Variants in PPP2R5D observed in about 807,000 individuals in gnomAD.
PPP2R5D encodes protein phosphatase 2 regulatory subunit B'delta.
PPP2R5D carries 12 observed loss-of-function variants against 79.1 expected under a neutral mutation model. The ratio of observed to expected loss-of-function variants is 0.15; its 90% CI spans 0.10 to 0.25. The LOEUF (loss-of-function observed/expected upper bound fraction) is 0.25, where lower values mean the gene tolerates loss of function less well. Among genes scored for constraint, PPP2R5D ranks in the 10% least tolerant of loss-of-function variants. The probability of loss-of-function intolerance (pLI) is 1.00; values close to 1 mark genes in which losing one functional copy is unlikely to be tolerated. For missense variants in PPP2R5D, 419 were observed against 760.2 expected (o/e 0.55, Z 5.28); for synonymous variants, 277 against 286.6 (o/e 0.97, Z 0.34).
At chr6:43,000,236 C>CTTTTT (rs1204045076) in intron 2 of PPP2R5D, among the ~76,000 whole-genome samples, 15 of 106,024 alleles carry the variant, frequency 1.4e-4, no homozygotes, top group African/African-American at 5.4e-4. Context: ...GTCTGGCCAC[C>CTTTTT]TTTTTTTTTT....
In PPP2R5D at chr6:42,995,126, C is replaced by CTTTTTTTTTTTT. The variant is rs889250251; in HGVS notation, c.105+5448_105+5459dup. Among the ~76,000 whole-genome samples, 111 of 106,346 alleles carry CTTTTTTTTTTTT rather than the reference C, an allele frequency of 1.0e-3. 6 individuals carry two copies. Among genetic ancestry groups the CTTTTTTTTTTTT allele is most frequent in the African/African-American group, 3.0e-3 (72 of 24,066 alleles). 69.8% of individuals were successfully genotyped at this position (106,346 alleles called of 152,430 possible). On this transcript the variant is annotated intron_variant, in intron 2 of 15. Transcript: ENST00000485511. ...TTGTGTCCCACCGAACTTTTTCTTT[C>CTTTTTTTTTTTT]TTTTTTTTTTTTTTTTTTTTTGGAG...
Position 43,009,543 on chromosome 6 carries a change from A to G in PPP2R5D, c.1379+94A>G, listed in dbSNP as rs1762249546. ...AAAGAGCCAGGGGTCTCACCTAGTC[A>G]CCCAGCAAGTGGGGCTGATGTCCCC... On this transcript the variant is annotated intron_variant, in intron 12 of 15. Coordinates refer to ENST00000485511, the MANE Select transcript of PPP2R5D (RefSeq NM_006245.4). The surrounding 1 kb of genome is among the most constrained non-coding windows in gnomAD (Gnocchi z 5.6). The G allele has an allele frequency of 2.6e-6, 4 of 1,540,076 alleles. No homozygotes were observed. The highest frequency in any genetic ancestry group is 1.4e-5 in the African/African-American group (1 of 72,894).
In PPP2R5D at chr6:42,984,583, G is replaced by T; in HGVS notation, c.-95G>T. ...CTCGACCCGGGCGCAGCGCGCAGGC[G>T]GTGGCGAAGAGACGCCGAGCGGGCC... On this transcript the variant is annotated 5_prime_UTR_variant, in exon 1 of 16. Transcript: ENST00000485511. 6.8e-7 allele frequency: 1 copy of T among 1,472,720 alleles called. No individual in the cohort carries two copies. The highest frequency in any genetic ancestry group is 9.0e-7 in the Non-Finnish European group (1 of 1,113,900). The allele number at this position is 1,472,720 out of a possible 1,614,324, so 91.2% of individuals were successfully genotyped here.
chr6:43,004,048 G>A (rs1283667777), intron 2 of PPP2R5D, among the ~76,000 whole-genome samples: 4 of 147,468 alleles, frequency 2.7e-5, no homozygotes, highest in Admixed American at 6.8e-5. Context: ...ATGGAGTCTC[G>A]CTCTGTCGCC....
At chr6:43,000,092 C>G (rs956713015) in intron 2 of PPP2R5D, among the ~76,000 whole-genome samples, 1 of 151,870 alleles carries the variant, frequency 6.6e-6, no homozygotes, top group Non-Finnish European at 1.5e-5. Context: ...CCCGCCACCA[C>G]GCCCAGCTAA....
At chr6:43,001,230 T>C (rs1772177572) in intron 2 of PPP2R5D, among the ~76,000 whole-genome samples, 1 of 152,146 alleles carries the variant, frequency 6.6e-6, no homozygotes, top group African/African-American at 2.4e-5. Flanking sequence ...TCTCAGCTCA[T>C]TGCCAAGATC....
chr6:42,989,177 G>A (rs116911410), intron 1 of PPP2R5D, among the ~76,000 whole-genome samples: 2,830 of 152,274 alleles, frequency 0.019, 31 homozygotes, highest in South Asian at 0.03. Flanking sequence ...CCAGGTGGCT[G>A]TGAGGGGAGA....
intron 2 of PPP2R5D, among the ~76,000 whole-genome samples, chr6:42,996,357 C>T (rs1010446718): frequency 2.0e-5 from 3 of 151,166 alleles, no homozygotes; most frequent in Admixed American, 6.6e-5. Flanking sequence ...CCCAGCTACT[C>T]GGGAGGCTGA....
At position 43,010,709 on chromosome 6, in the gene PPP2R5D, C is replaced by T. The variant is rs375119884; in HGVS notation, c.1527C>T (p.Ile509=). ...MKEREEMWQK[I]EELARLNPQY... is the part of the protein sequence containing the mutation. ...AAAGGGAAGAGATGTGGCAAAAAAT[C>T]GAGGAGCTGGCCCGGCTTAATCCCC... Residue 509 remains isoleucine (I), a synonymous_variant, in exon 14 of 16, where the codon ATC becomes ATT. Coordinates refer to ENST00000485511, the MANE Select transcript of PPP2R5D (RefSeq NM_006245.4). This position sits in a 1 kb window ranked among gnomAD's most constrained non-coding sequence, Gnocchi z 4.7. 33 of 1,613,850 alleles carry T rather than the reference C, an allele frequency of 2.0e-5. No homozygotes were observed. The highest frequency in any genetic ancestry group is 4.5e-5 in the East Asian group (2 of 44,890).
At chr6:42,987,718 C>T (rs1164868314) in intron 1 of PPP2R5D, among the ~76,000 whole-genome samples, 2 of 152,174 alleles carry the variant, frequency 1.3e-5, no homozygotes, top group Non-Finnish European at 2.9e-5. Flanking sequence ...GGCCTGGTTC[C>T]TCCATGCCCA....
intron 2 of PPP2R5D, among the ~76,000 whole-genome samples, chr6:43,003,594 T>G (rs1761893475): frequency 6.6e-6 from 1 of 152,192 alleles, no homozygotes; most frequent in Non-Finnish European, 1.5e-5. Flanking sequence ...CTACAGGAGA[T>G]AGTCATTAAC....
At chr6:42,989,522 G>A (rs1307474680) in intron 1 of PPP2R5D, 89 bp from the exon 2 acceptor site, 3 of 1,101,762 alleles carry the variant, frequency 2.7e-6, no homozygotes, top group Non-Finnish European at 2.7e-6. Context: ...CTGGACAGAG[G>A]ATATTTGCAA....
chr6:42,990,353 C>T (rs1394568169), intron 2 of PPP2R5D, among the ~76,000 whole-genome samples: 3 of 152,184 alleles, frequency 2.0e-5, no homozygotes, highest in Admixed American at 6.6e-5. Flanking sequence ...CACATCCTAC[C>T]TGGAAACTGG....
At chr6:42,985,811 C>T (rs948425616) in intron 1 of PPP2R5D, among the ~76,000 whole-genome samples, 13 of 134,264 alleles carry the variant, frequency 9.7e-5, no homozygotes, top group Non-Finnish European at 1.9e-4. Context: ...GAATTTTGCT[C>T]TTGTTGCCCA....
chr6:42,996,504 G>GA (rs990268555), intron 2 of PPP2R5D, among the ~76,000 whole-genome samples: 25 of 149,368 alleles, frequency 1.7e-4, no homozygotes, highest in Admixed American at 2.7e-4. Context: ...GGCCAAAAAA[G>GA]AAAAAAAAAC....
In PPP2R5D at chr6:43,007,505, C is replaced by A. The variant is rs761494736; in HGVS notation, c.725C>A (p.Ala242Asp). The change falls in exon 6 of 16, where the codon GCT becomes GAT. Residue 242 changes from alanine (A) to aspartate (D), a missense_variant and splice_region_variant. Physicochemically the swap from Ala to Asp is moderately radical, Grantham distance 126. Transcript: ENST00000485511. This position sits in a 1 kb window ranked among gnomAD's most constrained non-coding sequence, Gnocchi z 4.5. ...KKYIDQKFVL[A>D]LLDLFDSEDP... Reference sequence around the variant, plus strand: ...TACATCGACCAGAAGTTTGTACTTGCTGTGAGTCCCCGAGTTCCTGTCCTT... The same window carrying A: ...TACATCGACCAGAAGTTTGTACTTGATGTGAGTCCCCGAGTTCCTGTCCTT... 1.2e-6 allele frequency: 2 copies of A among 1,604,234 alleles called. No homozygotes were observed. Among genetic ancestry groups the A allele is most frequent in the Non-Finnish European group, 8.5e-7 (1 of 1,171,008 alleles).
At chr6:43,000,226 G>A (rs796682577) in intron 2 of PPP2R5D, among the ~76,000 whole-genome samples, 6 of 121,758 alleles carry the variant, frequency 4.9e-5, no homozygotes, top group African/African-American at 2.0e-4. Flanking sequence ...GAGCCACCAC[G>A]TCTGGCCACC....
Position 43,006,463 on chromosome 6 carries a change from G to C in PPP2R5D, c.106G>C (p.Ala36Pro). ...KDGGGENTEE[A>P]QPQPQPQPQP... ...TTCAACAGGTGACTTGTTTGACCAGGCCCAGCCGCAGCCCCAGCCCCAGCC... is the reference window on the plus strand; with the variant it reads ...TTCAACAGGTGACTTGTTTGACCAGCCCCAGCCGCAGCCCCAGCCCCAGCC... The change falls in exon 3 of 16, where the codon GCC becomes CCC. Residue 36 changes from alanine (A) to proline (P), a missense_variant and splice_region_variant. Physicochemically the swap from Ala to Pro is conservative, Grantham distance 27 (BLOSUM62 -1). Coordinates refer to ENST00000485511, the MANE Select transcript of PPP2R5D (RefSeq NM_006245.4). This position sits in a 1 kb window ranked among gnomAD's most constrained non-coding sequence, Gnocchi z 4.7. 1 of 1,612,482 alleles carries C rather than the reference G, an allele frequency of 6.2e-7. No individual in the cohort carries two copies. The highest frequency in any genetic ancestry group is 8.5e-7 in the Non-Finnish European group (1 of 1,179,512).
rs758394810 is a variant in PPP2R5D at position 43,011,360 on chromosome 6, C to A, written c.*74C>A. The A allele has an allele frequency of 9.5e-6, 15 of 1,583,446 alleles. No individual in the cohort carries two copies. Among genetic ancestry groups the A allele is most frequent in the Non-Finnish European group, 1.3e-5 (15 of 1,161,662 alleles). On this transcript the variant is annotated 3_prime_UTR_variant, in exon 16 of 16. Coordinates refer to ENST00000485511, the MANE Select transcript of PPP2R5D (RefSeq NM_006245.4). ...CTGCCCTGGCCCTCCATACTCTGCT[C>A]CCTACTGGCTGTCTTGGGGGAAGGC...
Sources: allele counts gnomAD v4.1 joint callset (sites outside exome capture counted in the v4.1 genomes callset), GRCh38; gene constraint gnomAD v4.1.1; non-coding constraint Gnocchi (gnomAD v3.1); transcripts MANE v1.5; gene names NCBI Gene and HGNC (gene_info 2026-07-23, HGNC 2026-07-21).